The following COL5A1 variants were observed in gnomAD, a reference collection of about 807,000 sequenced individuals.
COL5A1 encodes the protein collagen alpha-1(V) chain.
COL5A1 carries 16 observed loss-of-function variants against 263.7 expected under a neutral mutation model. The ratio of observed to expected loss-of-function variants is 0.06; its 90% CI spans 0.04 to 0.09. COL5A1 has a LOEUF of 0.09. COL5A1 is among the 10% of genes least tolerant of loss of function. The pLI is 1.00. For missense variants in COL5A1, 2,036 were observed against 2,540.5 expected (o/e 0.80, Z 4.27); for synonymous variants, 1,012 against 1,004.5 (o/e 1.01, Z -0.14).
chr9:134,791,298 G>A (rs533675382), intron 32 of COL5A1, among the ~76,000 whole-genome samples: 1 of 152,196 alleles, frequency 6.6e-6, no homozygotes, highest in African/African-American at 2.4e-5. Flanking sequence ...GGGCGAGGCC[G>A]TGTGCTTCCC....
intron 1 of COL5A1, among the ~76,000 whole-genome samples, chr9:134,676,901 G>A (rs1481548508): frequency 1.3e-5 from 2 of 152,140 alleles, no homozygotes; most frequent in East Asian, 1.9e-4. Context: ...TCCTTTGAGC[G>A]CTGTACCAAG....
chr9:134,724,693 C>T (rs112576944), intron 4 of COL5A1, among the ~76,000 whole-genome samples: 3,890 of 152,268 alleles, frequency 0.026, 72 homozygotes, highest in Non-Finnish European at 0.037. Context: ...GAGGGTGACT[C>T]GCCAGGGTCA....
intron 9 of COL5A1, among the ~76,000 whole-genome samples, chr9:134,735,268 C>T (rs78649268): frequency 0.015 from 2,256 of 152,070 alleles, 33 homozygotes; most frequent in African/African-American, 0.031. Flanking sequence ...TAGAGTTACC[C>T]AGGCACAGAC....
chr9:134,816,026 G>A, intron 52 of COL5A1, 38 bp downstream of exon 52: 1 of 1,605,206 alleles, frequency 6.2e-7, no homozygotes, highest in South Asian at 1.1e-5. Context: ...TGGTGGAGGT[G>A]TCAGTGTATT....
chr9:134,808,545 A>G (rs553019584), intron 42 of COL5A1, among the ~76,000 whole-genome samples: 32 of 149,170 alleles, frequency 2.1e-4, no homozygotes, highest in Admixed American at 1.3e-3. Context: ...CCTTGTGTGT[A>G]CATGTTGGTG....
intron 4 of COL5A1, among the ~76,000 whole-genome samples, chr9:134,707,539 T>G (rs1296040914): frequency 3.4e-5 from 1 of 29,660 alleles, no homozygotes; most frequent in Non-Finnish European, 6.0e-5. Context: ...ACCCTGGGAT[T>G]CCTGTGAGTG....
At chr9:134,698,133 C>T (rs1366166373) in intron 2 of COL5A1, among the ~76,000 whole-genome samples, 1 of 152,232 alleles carries the variant, frequency 6.6e-6, no homozygotes, top group Non-Finnish European at 1.5e-5. Flanking sequence ...TGGCTTGTGT[C>T]TAGACATGGG....
rs1302307437 is a variant in COL5A1 at position 134,680,831 on chromosome 9, G to A, written c.110-10081G>A. Reference sequence around the variant, plus strand: ...AGGCAGAGGAGTTGGACGTTGATGGGAGCTTTTAGGTGGGTGCATGGAACC... The same window carrying A: ...AGGCAGAGGAGTTGGACGTTGATGGAAGCTTTTAGGTGGGTGCATGGAACC... On this transcript the variant is annotated intron_variant, in intron 1 of 65. Transcript: ENST00000371817. The surrounding 1 kb of genome is among the most constrained non-coding windows in gnomAD (Gnocchi z 5.9). Among the ~76,000 whole-genome samples the A allele has an allele frequency of 1.3e-5, 2 of 152,218 alleles. No homozygotes were observed. The highest frequency in any genetic ancestry group is 2.9e-5 in the Non-Finnish European group (2 of 68,036).
chr9:134,759,780 TACAC>T (rs1836216977), intron 18 of COL5A1, among the ~76,000 whole-genome samples: 1 of 70,668 alleles, frequency 1.4e-5, no homozygotes, highest in Non-Finnish European at 2.6e-5. Context: ...CCCACACTCA[TACAC>T]ACATGCACAC....
At chr9:134,704,947 C>T (rs1415794025) in intron 4 of COL5A1, among the ~76,000 whole-genome samples, 2 of 152,170 alleles carry the variant, frequency 1.3e-5, no homozygotes, top group Non-Finnish European at 2.9e-5. Flanking sequence ...CTCTGCATAA[C>T]GACACCTCCC....
At chr9:134,827,863 C>G (rs756070453) in intron 63 of COL5A1, among the ~76,000 whole-genome samples, 2 of 152,268 alleles carry the variant, frequency 1.3e-5, no homozygotes, top group African/African-American at 2.4e-5. Context: ...CTTCACGCCG[C>G]CTGGGCTTGG....
chr9:134,828,068 C>T (rs575542354), intron 63 of COL5A1, among the ~76,000 whole-genome samples: 10 of 152,348 alleles, frequency 6.6e-5, no homozygotes, highest in African/African-American at 1.9e-4. Flanking sequence ...ACGTGAGCCC[C>T]AGTCAGTCCA....
rs528835493 is a variant in COL5A1, at chr9:134,732,243, A to G, written c.1389+116A>G. On this transcript the variant is annotated intron_variant, in intron 9 of 65. Transcript: ENST00000371817. ...CCCCTGCACCTGCGCGCACTGGGTC[A>G]CTTCGAGCAACCACCTGGTCTCGTG... 1.7e-5 allele frequency: 17 copies of G among 1,012,456 alleles called. No homozygotes were observed. In the African/African-American group the frequency reaches 2.2e-4, roughly 13 times the overall value. 62.7% of individuals were successfully genotyped at this position (1,012,456 alleles called of 1,614,324 possible).
chr9:134,738,876 T>C (rs1417939425), intron 11 of COL5A1, 68 bp downstream of exon 11: 3 of 1,327,684 alleles, frequency 2.3e-6, no homozygotes, highest in African/African-American at 1.4e-5. Flanking sequence ...CTCTCCACAC[T>C]GTGACCCGAG....
intron 60 of COL5A1, 138 bp from the exon 61 acceptor site, chr9:134,823,278 T>C: frequency 3.8e-6 from 4 of 1,057,728 alleles, no homozygotes; most frequent in Non-Finnish European, 4.5e-6. Context: ...CAGGGGTCTC[T>C]GCCATTCTCT....
At chr9:134,713,765 G>C (rs1402962124) in intron 4 of COL5A1, among the ~76,000 whole-genome samples, 1 of 152,218 alleles carries the variant, frequency 6.6e-6, no homozygotes, top group Admixed American at 6.5e-5. Context: ...ACAGAGGGCA[G>C]GGTGATCTCA....
chr9:134,829,509 TCCCC>T (rs1338732395), intron 63 of COL5A1, among the ~76,000 whole-genome samples: 3 of 140,456 alleles, frequency 2.1e-5, no homozygotes, highest in South Asian at 2.4e-4. Context: ...GCCTCCAGTC[TCCCC>T]GAGGGCTGGG....
chr9:134,824,915 T>G, intron 62 of COL5A1, 60 bp downstream of exon 62: 1 of 1,554,950 alleles, frequency 6.4e-7, no homozygotes, highest in Non-Finnish European at 8.7e-7. Context: ...GCAGGACACA[T>G]GGAGTGTGGC....
In COL5A1 at chr9:134,652,842, C is replaced by T; in HGVS notation, c.109+10546C>T. 1 of 410,078 alleles carries T rather than the reference C, an allele frequency of 2.4e-6. No homozygotes were observed. Among genetic ancestry groups the T allele is most frequent in the Admixed American group, 2.9e-5 (1 of 34,908 alleles). 25.4% of individuals were successfully genotyped at this position (410,078 alleles called of 1,614,324 possible). A position where few individuals can be genotyped will look rare whatever the true frequency, so the allele number is the denominator to read the frequency against. ...GCCCCAGAATCCCCCCGAGGCCTCTCTTAAGGCACAGATTGTTTCTGACTC... is the reference window on the plus strand; with the variant it reads ...GCCCCAGAATCCCCCCGAGGCCTCTTTTAAGGCACAGATTGTTTCTGACTC... On this transcript the variant is annotated intron_variant, in intron 1 of 65. Transcript: ENST00000371817. This position sits in a 1 kb window ranked among gnomAD's most constrained non-coding sequence, Gnocchi z 4.4.
Sources: allele counts gnomAD v4.1 joint callset (sites outside exome capture counted in the v4.1 genomes callset), GRCh38; gene constraint gnomAD v4.1.1; non-coding constraint Gnocchi (gnomAD v3.1); transcripts MANE v1.5; gene names NCBI Gene and HGNC (gene_info 2026-07-23, HGNC 2026-07-21).